LRCH2: variants seen among roughly 807,000 people sequenced by gnomAD.
LRCH2 encodes the protein leucine rich repeats and calponin homology domain containing 2, also known as leucine-rich repeat and calponin homology domain-containing protein 2.
In LRCH2, 38 loss-of-function variants were observed where a neutral mutation model predicts 68.9. The ratio of observed to expected loss-of-function variants is 0.55; its 90% CI spans 0.43 to 0.72. LRCH2 has a LOEUF of 0.72. LRCH2 is among the 30% of genes least tolerant of loss of function. The pLI, the probability that LRCH2 is intolerant of heterozygous loss-of-function variation, is 0.00. For missense variants in LRCH2, 528 were observed against 572.9 expected, an observed-to-expected ratio of 0.92 and a Z score of 0.80; for synonymous variants, 191 against 208.1, an observed-to-expected ratio of 0.92 and a Z score of 0.71.
At chrX:115,165,484 A>G in intron 9 of LRCH2, 21 bp from the exon 10 acceptor site, 1 of 1,101,250 alleles carries the variant, frequency 9.1e-7, no homozygotes, top group Non-Finnish European at 1.2e-6. Flanking sequence ...AGAAAGTTAC[A>G]TTTTAAATTG....
chrX:115,216,102 A>T (rs945481717), intron 1 of LRCH2, among the ~76,000 whole-genome samples: 43 of 112,093 alleles, frequency 3.8e-4, no homozygotes, highest in African/African-American at 1.3e-3. Context: ...AGGCTAAACA[A>T]ATTTTTATAT....
intron 1 of LRCH2, among the ~76,000 whole-genome samples, chrX:115,214,186 T>C (rs1486524522): frequency 8.9e-6 from 1 of 112,210 alleles, no homozygotes; most frequent in Non-Finnish European, 1.9e-5. Flanking sequence ...CTGATTAATA[T>C]GTTCTCAAAT....
At chrX:115,195,006 C>T (rs925314165) in intron 1 of LRCH2, among the ~76,000 whole-genome samples, 1 of 111,426 alleles carries the variant, frequency 9.0e-6, no homozygotes. Context: ...AAGTTGTGGC[C>T]AGGCACAGTG....
chrX:115,173,724 G>A (rs2072623361), intron 5 of LRCH2, among the ~76,000 whole-genome samples: 1 of 111,328 alleles, frequency 9.0e-6, no homozygotes, highest in African/African-American at 3.3e-5. Context: ...AACAACACAA[G>A]TTTGAACTGT....
intron 1 of LRCH2, among the ~76,000 whole-genome samples, chrX:115,202,716 CAA>C (rs1569516708): frequency 8.9e-6 from 1 of 111,869 alleles, no homozygotes; most frequent in Non-Finnish European, 1.9e-5. Context: ...TAGAAGCAAA[CAA>C]GATGCATCTT....
At chrX:115,175,743 C>T (rs1483705757) in intron 5 of LRCH2, among the ~76,000 whole-genome samples, 2 of 111,925 alleles carry the variant, frequency 1.8e-5, no homozygotes, top group African/African-American at 6.5e-5. Context: ...AGGGAACATC[C>T]CCTCTCCACC....
intron 5 of LRCH2, among the ~76,000 whole-genome samples, chrX:115,178,534 CAT>C (rs1401577646): frequency 9.0e-6 from 1 of 111,349 alleles, no homozygotes; most frequent in African/African-American, 3.3e-5. Context: ...TTCAGAGTTA[CAT>C]GTTTCCTCCA....
chrX:115,195,273 G>C (rs1556562796), intron 1 of LRCH2, among the ~76,000 whole-genome samples: 2 of 106,653 alleles, frequency 1.9e-5, no homozygotes, highest in African/African-American at 6.9e-5. Flanking sequence ...GACAGAGTGA[G>C]ACTCCATCTC....
chrX:115,223,938 AAG>A (rs1556575219), intron 1 of LRCH2, among the ~76,000 whole-genome samples: 1 of 110,049 alleles, frequency 9.1e-6, no homozygotes. Context: ...AAAAAAAAAA[AAG>A]AAGAAGAAGA....
intron 2 of LRCH2, among the ~76,000 whole-genome samples, chrX:115,186,868 G>A (rs1238835645): frequency 1.0e-5 from 1 of 97,585 alleles, no homozygotes; most frequent in Non-Finnish European, 2.0e-5. Flanking sequence ...ACCCAGGCTG[G>A]AGTGCAGTGG....
At chrX:115,139,597 T>C (rs1169450272) in intron 14 of LRCH2, among the ~76,000 whole-genome samples, 3 of 111,297 alleles carry the variant, frequency 2.7e-5, no homozygotes, top group African/African-American at 6.5e-5. Flanking sequence ...CTAGACAATA[T>C]GGTGAAACAC....
intron 1 of LRCH2, among the ~76,000 whole-genome samples, chrX:115,201,918 TA>T (rs1454799190): frequency 9.1e-6 from 1 of 110,367 alleles, no homozygotes; most frequent in Non-Finnish European, 1.9e-5. Flanking sequence ...TACCAGAAAA[TA>T]AAATACCTAG....
chrX:115,119,240 C>A (rs2072112959), intron 20 of LRCH2, among the ~76,000 whole-genome samples: 1 of 110,194 alleles, frequency 9.1e-6, no homozygotes, highest in African/African-American at 3.3e-5. Flanking sequence ...TCCCTGTTTG[C>A]AGACCACATG....
At chrX:115,211,027 G>A (rs781866332) in intron 1 of LRCH2, among the ~76,000 whole-genome samples, 5 of 112,118 alleles carry the variant, frequency 4.5e-5, no homozygotes, top group African/African-American at 9.7e-5. Context: ...GCTCATAGCC[G>A]AAAGGGTCTT....
intron 5 of LRCH2, among the ~76,000 whole-genome samples, chrX:115,175,547 C>T (rs148663085): frequency 1.4e-3 from 162 of 112,241 alleles, no homozygotes; most frequent in African/African-American, 5.0e-3. Flanking sequence ...CATTTCTACA[C>T]TGCTGTCCCA....
At chrX:115,196,165 A>T (rs2147338518) in intron 1 of LRCH2, among the ~76,000 whole-genome samples, 1 of 111,475 alleles carries the variant, frequency 9.0e-6, no homozygotes, top group South Asian at 3.8e-4. Context: ...GAGCAGGATG[A>T]GTTACTGCAG....
rs1346438615 is a variant in LRCH2, at chrX:115,190,720, C to T, written c.350-2350G>A. Reference sequence around the variant, plus strand: ...AGGAGAAGGCCGCTATGAGGAGTACCGAGGCCGCTCACACGAGGCCCGCAG... The same window carrying T: ...AGGAGAAGGCCGCTATGAGGAGTACTGAGGCCGCTCACACGAGGCCCGCAG... On this transcript the variant is annotated intron_variant, in intron 1 of 20. Transcript: ENST00000317135. 7.2e-6 allele frequency: 8 copies of T among 1,117,892 alleles called. No individual in the cohort carries two copies. The Admixed American group carries it at 1.7e-4, about 24-fold the overall frequency. The allele number at this position is 1,117,892 out of a possible 1,213,427, so 92.1% of individuals were successfully genotyped here.
chrX:115,126,978 C>T, intron 15 of LRCH2, 85 bp from the exon 16 acceptor site: 1 of 583,226 alleles, frequency 1.7e-6, no homozygotes, highest in Non-Finnish European at 2.5e-6. Flanking sequence ...AAAAATTGTT[C>T]TGACCAACTA....
At chrX:115,121,982 T>C (rs2072147743) in intron 20 of LRCH2, among the ~76,000 whole-genome samples, 1 of 111,701 alleles carries the variant, frequency 9.0e-6, no homozygotes, top group Non-Finnish European at 1.9e-5. Context: ...ATATTTACAA[T>C]ACTGCTTTAA....
Sources: gnomAD v4.1 joint callset for allele counts (sites outside exome capture counted in the v4.1 genomes callset) on GRCh38, gnomAD v4.1.1 for gene constraint, MANE v1.5 for transcripts, NCBI Gene and HGNC (gene_info 2026-07-23, HGNC 2026-07-21) for gene names.